Variants in GRIP2 observed in about 807,000 individuals in gnomAD.
GRIP2 encodes the protein glutamate receptor-interacting protein 2.
Under a neutral mutation model 108.3 loss-of-function variants are expected in GRIP2, and 58 were observed. The observed-to-expected ratio is 0.54, with a 90% CI of 0.43 to 0.67. The LOEUF (loss-of-function observed/expected upper bound fraction) is 0.67. GRIP2 is among the 30% of genes least tolerant of loss of function. The probability of loss-of-function intolerance (pLI) is 0.00; values close to 1 mark genes in which losing one functional copy is unlikely to be tolerated. For synonymous variants in GRIP2, 586 were observed against 598.2 expected (o/e 0.98, Z 0.30); for missense variants, 1,278 against 1,430.6 (o/e 0.89, Z 1.72).
At chr3:14,557,996 T>A (rs1695262869), upstream of GRIP2, among the ~76,000 whole-genome samples, 1 of 152,188 alleles carries the variant, frequency 6.6e-6, no homozygotes, top group African/African-American at 2.4e-5. Flanking sequence ...TAACCGTTAT[T>A]AGTGTTGTGG....
At chr3:14,588,785 T>C in the GRIP2 span, among the ~76,000 whole-genome samples, 1 of 152,206 alleles carries the variant, frequency 6.6e-6, no homozygotes, top group African/African-American at 2.4e-5. Context: ...CATTTGCTCA[T>C]TTGGTTGAAA....
At chr3:14,581,201 C>T in the GRIP2 span, among the ~76,000 whole-genome samples, 1 of 152,216 alleles carries the variant, frequency 6.6e-6, no homozygotes, top group Non-Finnish European at 1.5e-5. Context: ...GACTAATACA[C>T]TCTTGGAGCC....
chr3:14,575,486 G>A, the GRIP2 span, among the ~76,000 whole-genome samples: 10 of 152,196 alleles, frequency 6.6e-5, no homozygotes, highest in African/African-American at 2.4e-4. Flanking sequence ...CTGAGGTGGG[G>A]GCCCAGCAAG....
intron 1 of GRIP2, among the ~76,000 whole-genome samples, chr3:14,532,832 T>C (rs372679507): frequency 1.3e-5 from 2 of 152,000 alleles, no homozygotes; most frequent in Non-Finnish European, 2.9e-5. Context: ...CCGGGCCGGA[T>C]ACTGCTGAGT....
intron 1 of GRIP2, among the ~76,000 whole-genome samples, chr3:14,527,415 C>CGAGGG (rs146440304): frequency 1.6e-5 from 2 of 126,754 alleles, no homozygotes; most frequent in Non-Finnish European, 3.2e-5. Flanking sequence ...AGAAGGAAAG[C>CGAGGG]GAGGGGAGGG....
At chr3:14,566,535 A>G in the GRIP2 span, among the ~76,000 whole-genome samples, 1 of 152,258 alleles carries the variant, frequency 6.6e-6, no homozygotes, top group Non-Finnish European at 1.5e-5. Flanking sequence ...CAGAAGCCAC[A>G]GCAGCGAGTG....
At position 14,491,348 on chromosome 3, in the gene GRIP2, TAC is replaced by T. The variant is rs1278305196; in HGVS notation, c.*2315_*2316del. 6.6e-6 allele frequency: 1 copy of T among 152,206 alleles called. No individual in the cohort carries two copies. The highest frequency in any genetic ancestry group is 1.5e-5 in the Non-Finnish European group (1 of 68,076). The allele number at this position is 152,206 out of a possible 1,614,324, so 9.4% of individuals were successfully genotyped here. A position where few individuals can be genotyped will look rare whatever the true frequency, so the allele number is the denominator to read the frequency against. ...GAAAACCCGATGTAGAAAAATACTTTACAAGGAATGTGTTCTAATCTCAGCCA... is the reference window on the plus strand; with the variant it reads ...GAAAACCCGATGTAGAAAAATACTTTAAGGAATGTGTTCTAATCTCAGCCA... On this transcript the variant is annotated 3_prime_UTR_variant, in exon 24 of 24. Coordinates refer to ENST00000621039, the MANE Select transcript of GRIP2 (RefSeq NM_001080423.4).
Position 14,494,923 on chromosome 3 carries a change from T to C in GRIP2, c.2890A>G (p.Lys964Glu). Residue 964 changes from lysine to glutamate, a missense_variant, in exon 23 of 24, where the codon AAA (lysine) becomes GAA (glutamate). Physicochemically the swap from Lys to Glu is moderately conservative, Grantham distance 56. Coordinates refer to ENST00000621039, the MANE Select transcript of GRIP2 (RefSeq NM_001080423.4). ...CGCACAGTGTGGACATAGACACCTT[T>C]TTCCAGGAGGCCATCTGAGACGCTG... ...GFSVSDGLLE[K>E]GVYVHTVRPD... 6.2e-7 allele frequency: 1 copy of C among 1,613,942 alleles called. No homozygotes were observed. Among genetic ancestry groups the C allele is most frequent in the Non-Finnish European group, 8.5e-7 (1 of 1,179,862 alleles).
the GRIP2 span, among the ~76,000 whole-genome samples, chr3:14,579,208 G>T: frequency 6.6e-6 from 1 of 152,118 alleles, no homozygotes; most frequent in Non-Finnish European, 1.5e-5. Context: ...TATCCATGCT[G>T]TGATTCGGTT....
chr3:14,501,109 C>A (rs950408342), intron 21 of GRIP2, among the ~76,000 whole-genome samples: 5 of 152,066 alleles, frequency 3.3e-5, no homozygotes, highest in African/African-American at 4.8e-5. Flanking sequence ...TGAAAAAAGC[C>A]AGACACAAAA....
In GRIP2 at chr3:14,523,653, G is replaced by T; in HGVS notation, c.449C>A (p.Ser150Tyr). 6.2e-7 allele frequency: 1 copy of T among 1,612,440 alleles called. No individual in the cohort carries two copies. The highest frequency in any genetic ancestry group is 1.1e-5 in the South Asian group (1 of 90,440). Residue 150 changes from serine (S) to tyrosine (Y), a missense_variant, in exon 5 of 24, where the codon TCC becomes TAC. By Grantham distance (144) the Ser-to-Tyr change is moderately radical (BLOSUM62 -2). Transcript: ENST00000621039. ...PRIISKTVDV[S>Y]LYKEGNSFGF... ...AAAGCTATTGCCCTCCTTGTAGAGG[G>T]AGACGTCCACTGTCTTTGAAATGAT... is the stretch of plus-strand genomic sequence containing the variant.
chr3:14,558,369 G>A (rs996411253), upstream of GRIP2, among the ~76,000 whole-genome samples: 2 of 152,160 alleles, frequency 1.3e-5, no homozygotes, highest in African/African-American at 4.8e-5. Context: ...GGCAGGCTGC[G>A]TTGCCTGGGG....
the GRIP2 span, among the ~76,000 whole-genome samples, chr3:14,577,688 CA>C: frequency 6.5e-4 from 99 of 152,184 alleles, no homozygotes; most frequent in Non-Finnish European, 1.2e-3. Flanking sequence ...AGACACTGAC[CA>C]ACAGATAACA....
chr3:14,510,265 T>G (rs796340853), intron 16 of GRIP2, among the ~76,000 whole-genome samples: 20,471 of 140,122 alleles, frequency 0.15, 1,543 homozygotes, highest in South Asian at 0.24. Flanking sequence ...GTTGTTTTTT[T>G]TTTTTTTTTT....
chr3:14,545,641 C>T (rs1451843479), upstream of GRIP2, among the ~76,000 whole-genome samples: 3 of 152,358 alleles, frequency 2.0e-5, no homozygotes, highest in Non-Finnish European at 1.5e-5. Context: ...CAGTGGGCCT[C>T]TCTGAGCCTC....
intron 21 of GRIP2, 46 bp from the exon 22 acceptor site, chr3:14,496,606 C>T: frequency 6.4e-7 from 1 of 1,568,538 alleles, no homozygotes; most frequent in Non-Finnish European, 8.7e-7. Flanking sequence ...TGGCTTGCCC[C>T]ATCAGGCAGT....
intron 1 of GRIP2, among the ~76,000 whole-genome samples, chr3:14,554,070 A>C (rs1695195760): frequency 6.6e-6 from 1 of 152,100 alleles, no homozygotes; most frequent in Non-Finnish European, 1.5e-5. Flanking sequence ...TGGGTCACTA[A>C]GGGGAAGATG....
chr3:14,491,723 G>A lies in GRIP2; in HGVS notation c.*1942C>T. The A allele has an allele frequency of 6.6e-6, 1 of 152,498 alleles. No homozygotes were observed. The highest frequency in any genetic ancestry group is 1.5e-5 in the Non-Finnish European group (1 of 68,160). The allele number at this position is 152,498 out of a possible 1,614,324, so 9.4% of individuals were successfully genotyped here. A position where few individuals can be genotyped will look rare whatever the true frequency, so the allele number is the denominator to read the frequency against. ...CCGAGAGGCCCTGAGAGTGTGTCCTGTCCAGCCCTGTTGCTTAGCAGAGGT... is the reference window on the plus strand; with the variant it reads ...CCGAGAGGCCCTGAGAGTGTGTCCTATCCAGCCCTGTTGCTTAGCAGAGGT... On this transcript the variant is annotated 3_prime_UTR_variant, in exon 24 of 24. Transcript: ENST00000621039.
At chr3:14,593,074 C>T in the GRIP2 span, among the ~76,000 whole-genome samples, 1 of 152,200 alleles carries the variant, frequency 6.6e-6, no homozygotes, top group Non-Finnish European at 1.5e-5. Flanking sequence ...CACACGTGGA[C>T]ACCACTGGGA....
Sources: gnomAD v4.1 joint callset for allele counts (sites outside exome capture counted in the v4.1 genomes callset) on GRCh38, gnomAD v4.1.1 for gene constraint, MANE v1.5 for transcripts, NCBI Gene and HGNC (gene_info 2026-07-23, HGNC 2026-07-21) for gene names.